The following OXCT1 variants were observed in gnomAD, a reference collection of about 807,000 sequenced individuals.
The protein encoded by OXCT1 is 3-oxoacid CoA-transferase 1, also known as succinyl-CoA:3-ketoacid coenzyme A transferase 1, mitochondrial.
Under a neutral mutation model 69.6 loss-of-function variants are expected in OXCT1, and 27 were observed. The observed-to-expected ratio is 0.39, with a 90% CI of 0.29 to 0.54. The LOEUF (loss-of-function observed/expected upper bound fraction) is 0.54, where lower values mean the gene tolerates loss of function less well. OXCT1 is among the 20% of genes least tolerant of loss of function. The pLI is 0.72. For missense variants in OXCT1, 437 were observed against 650.2 expected (o/e 0.67, Z 3.57); for synonymous variants, 202 against 217.8 (o/e 0.93, Z 0.64).
At chr5:41,869,041 T>C (rs1007710451) in intron 1 of OXCT1, among the ~76,000 whole-genome samples, 2 of 152,248 alleles carry the variant, frequency 1.3e-5, no homozygotes, top group African/African-American at 4.8e-5. Context: ...CTGGTTTGTA[T>C]TAGCTTCAGC....
chr5:41,793,276 A>G (rs1186947174), intron 13 of OXCT1, among the ~76,000 whole-genome samples: 2 of 152,244 alleles, frequency 1.3e-5, no homozygotes, highest in Admixed American at 1.3e-4. Context: ...ACACACACAA[A>G]GAGCAACCGG....
chr5:41,852,428 GC>G (rs1182278294), intron 4 of OXCT1, among the ~76,000 whole-genome samples: 1 of 152,134 alleles, frequency 6.6e-6, no homozygotes, highest in East Asian at 1.9e-4. Flanking sequence ...AAAGTCAGTA[GC>G]AATATTTTCT....
chr5:41,832,031 C>T (rs1489148413), intron 7 of OXCT1, among the ~76,000 whole-genome samples: 1 of 152,142 alleles, frequency 6.6e-6, no homozygotes, highest in African/African-American at 2.4e-5. Context: ...TCAGGAGCAC[C>T]AAATTTTAAC....
chr5:41,816,917 C>G (rs1311368152), intron 7 of OXCT1, among the ~76,000 whole-genome samples: 1 of 152,142 alleles, frequency 6.6e-6, no homozygotes, highest in Admixed American at 6.6e-5. Context: ...TGGCTACCCT[C>G]AGACTGTACT....
chr5:41,831,703 G>A (rs935240665), intron 7 of OXCT1, among the ~76,000 whole-genome samples: 4 of 152,170 alleles, frequency 2.6e-5, no homozygotes, highest in African/African-American at 9.7e-5. Flanking sequence ...GCAAAGAGAT[G>A]GGGATGTGAA....
Position 41,859,901 on chromosome 5 carries a change from T to A in OXCT1, c.278+1413A>T, listed in dbSNP as rs1049835136. 8.8e-4 allele frequency among the ~76,000 whole-genome samples: 122 copies of A among 137,988 alleles called. 2 individuals carry two copies. The highest frequency in any genetic ancestry group is 1.5e-3 in the Non-Finnish European group (91 of 62,720). 90.5% of individuals were successfully genotyped at this position (137,988 alleles called of 152,430 possible). On this transcript the variant is annotated intron_variant, in intron 3 of 16. Transcript: ENST00000196371. ...TATATATATATGTAATATATATATA[T>A]ATATATACACACACACACACACAAG...
At chr5:41,842,905 G>T in intron 5 of OXCT1, 124 bp from the exon 6 acceptor site, 2 of 761,790 alleles carry the variant, frequency 2.6e-6, no homozygotes, top group Non-Finnish European at 4.8e-6. Context: ...AGAGGGAAAA[G>T]CATCCCAGAG....
At chr5:41,855,399 C>T (rs1749383133) in intron 3 of OXCT1, among the ~76,000 whole-genome samples, 1 of 152,158 alleles carries the variant, frequency 6.6e-6, no homozygotes, top group South Asian at 2.1e-4. Flanking sequence ...ATGAGATGTT[C>T]ACTTTTCTAT....
chr5:41,782,156 G>A (rs1745435821), intron 13 of OXCT1, among the ~76,000 whole-genome samples: 1 of 149,520 alleles, frequency 6.7e-6, no homozygotes, highest in Non-Finnish European at 1.5e-5. Context: ...CATTGTGACT[G>A]GAGTGAGATG....
At chr5:41,835,045 G>A (rs1748285930) in intron 7 of OXCT1, among the ~76,000 whole-genome samples, 1 of 151,472 alleles carries the variant, frequency 6.6e-6, no homozygotes, top group African/African-American at 2.4e-5. Context: ...TTGGTATTTT[G>A]AGAAGATAAA....
intron 11 of OXCT1, among the ~76,000 whole-genome samples, chr5:41,797,962 C>CAG (rs1189708438): frequency 6.6e-6 from 1 of 152,086 alleles, no homozygotes; most frequent in African/African-American, 2.4e-5. Context: ...ATATGCTTCT[C>CAG]AGAGAGACAC....
In OXCT1 at chr5:41,849,107, C is replaced by A. The variant is rs111987499; in HGVS notation, c.564+923G>T. ...GCTTTGAATCCACATAGATCACTCT[C>A]AACAGAAAGATGTCTCCAGATGGAA... is the stretch of plus-strand genomic sequence containing the variant. On this transcript the variant is annotated intron_variant, in intron 5 of 16. Coordinates refer to ENST00000196371, the MANE Select transcript of OXCT1 (RefSeq NM_000436.4). Among the ~76,000 whole-genome samples the A allele has an allele frequency of 6.3e-3, 957 of 152,284 alleles. 6 individuals are homozygous for A. Among genetic ancestry groups the A allele is most frequent in the Admixed American group, 0.02 (307 of 15,286 alleles).
chr5:41,833,767 T>G (rs1336813214), intron 7 of OXCT1, among the ~76,000 whole-genome samples: 3 of 152,056 alleles, frequency 2.0e-5, no homozygotes, highest in Admixed American at 6.6e-5. Context: ...GAAGTAAAAG[T>G]GTAGAGTTTT....
chr5:41,830,458 T>C (rs1748042299), intron 7 of OXCT1, among the ~76,000 whole-genome samples: 1 of 152,238 alleles, frequency 6.6e-6, no homozygotes, highest in African/African-American at 2.4e-5. Context: ...CGTAGCTAAC[T>C]GAAATAGAGA....
chr5:41,792,953 ACT>A (rs1218809939), intron 13 of OXCT1, among the ~76,000 whole-genome samples: 4 of 152,128 alleles, frequency 2.6e-5, no homozygotes, highest in Non-Finnish European at 5.9e-5. Flanking sequence ...ATTTCTTAAA[ACT>A]CTGAGGTATT....
At chr5:41,843,063 T>C (rs537811193) in intron 5 of OXCT1, among the ~76,000 whole-genome samples, 7 of 152,320 alleles carry the variant, frequency 4.6e-5, no homozygotes, top group Admixed American at 3.3e-4. Flanking sequence ...GGATAGACTA[T>C]TTTCATTTTA....
intron 13 of OXCT1, among the ~76,000 whole-genome samples, chr5:41,775,888 TCA>T (rs1745099096): frequency 6.6e-6 from 1 of 152,148 alleles, no homozygotes; most frequent in Admixed American, 6.5e-5. Flanking sequence ...ATATTCCTTA[TCA>T]CAGTTTCCCT....
intron 7 of OXCT1, among the ~76,000 whole-genome samples, chr5:41,822,285 G>C (rs1228129407): frequency 6.6e-6 from 1 of 152,080 alleles, no homozygotes; most frequent in Non-Finnish European, 1.5e-5. Context: ...AGCTCATGAG[G>C]CTAGTTCTGC....
At chr5:41,799,079 A>G (rs573764647) in intron 11 of OXCT1, among the ~76,000 whole-genome samples, 106 of 152,308 alleles carry the variant, frequency 7.0e-4, no homozygotes, top group Middle Eastern at 3.4e-3. Flanking sequence ...TTTTTACATA[A>G]CCTTATGAGA....
Sources: allele counts gnomAD v4.1 joint callset (sites outside exome capture counted in the v4.1 genomes callset), GRCh38; gene constraint gnomAD v4.1.1; transcripts MANE v1.5; gene names NCBI Gene and HGNC (gene_info 2026-07-23, HGNC 2026-07-21).